The following RIC8B variants were observed in gnomAD, a reference collection of about 807,000 sequenced individuals.
The protein encoded by RIC8B is RIC8 guanine nucleotide exchange factor B.
In RIC8B, 16 loss-of-function variants were observed where a neutral mutation model predicts 57.5. That is an observed-to-expected ratio of 0.28 (90% CI 0.19 to 0.42). The LOEUF is 0.42. RIC8B is among the 10% of genes least tolerant of loss of function. RIC8B has a pLI of 1.00. For missense variants in RIC8B, 481 were observed against 677.0 expected, an observed-to-expected ratio of 0.71 and a Z score of 3.21; for synonymous variants, 216 against 250.8, an observed-to-expected ratio of 0.86 and a Z score of 1.31.
At chr12:106,827,555 T>C (rs1248386536) in intron 4 of RIC8B, among the ~76,000 whole-genome samples, 1 of 152,212 alleles carries the variant, frequency 6.6e-6, no homozygotes, top group Non-Finnish European at 1.5e-5. Context: ...TTGTACTGAA[T>C]TTGCTGGTAG....
intron 2 of RIC8B, among the ~76,000 whole-genome samples, chr12:106,812,358 CT>C (rs1252746453): frequency 2.0e-5 from 3 of 151,888 alleles, no homozygotes; most frequent in Non-Finnish European, 4.4e-5. Flanking sequence ...ATAGCCCTGG[CT>C]ATTCCAATTT....
chr12:106,788,634 T>C (rs1364035079), intron 2 of RIC8B, among the ~76,000 whole-genome samples: 1 of 152,178 alleles, frequency 6.6e-6, no homozygotes, highest in African/African-American at 2.4e-5. Context: ...GCTGCCAAGG[T>C]CTAGGGCTTG....
chr12:106,777,891 C>T (rs926912733), intron 1 of RIC8B, among the ~76,000 whole-genome samples: 4 of 152,128 alleles, frequency 2.6e-5, no homozygotes, highest in Non-Finnish European at 4.4e-5. Context: ...GAGGTGTGGC[C>T]GGAGCACAGG....
At chr12:106,797,093 A>G (rs563229960) in intron 2 of RIC8B, among the ~76,000 whole-genome samples, 1 of 152,204 alleles carries the variant, frequency 6.6e-6, no homozygotes, top group African/African-American at 2.4e-5. Flanking sequence ...CACTTTGGAA[A>G]ACAGTCTGGT....
intron 9 of RIC8B, chr12:106,874,624 T>G: frequency 7.7e-7 from 1 of 1,292,920 alleles, no homozygotes; most frequent in Non-Finnish European, 1.1e-6. Flanking sequence ...TGTTATTCAC[T>G]ACCAAAATTG....
Position 106,782,364 on chromosome 12 carries a change from C to CT in RIC8B, c.85-1632dup, listed in dbSNP as rs536445273. Among the ~76,000 whole-genome samples, 765 of 152,242 alleles carry CT rather than the reference C, an allele frequency of 5.0e-3. 5 individuals carry two copies. The highest frequency in any genetic ancestry group is 0.017 in the African/African-American group (715 of 41,542). ...ATATGTGTTGTTGCCAAATCACTTT[C>CT]TCTTTTAAGGTTTATGTCAGTTTAT... On this transcript the variant is annotated intron_variant, in intron 1 of 9. Coordinates refer to ENST00000392837, the MANE Select transcript of RIC8B (RefSeq NM_001330145.2).
At chr12:106,781,716 T>C (rs1023378569) in intron 1 of RIC8B, among the ~76,000 whole-genome samples, 1 of 152,216 alleles carries the variant, frequency 6.6e-6, no homozygotes, top group African/African-American at 2.4e-5. Flanking sequence ...AATTTATTTT[T>C]CTTTCCCCTT....
intron 2 of RIC8B, among the ~76,000 whole-genome samples, chr12:106,798,571 C>T (rs2044590220): frequency 6.6e-6 from 1 of 152,052 alleles, no homozygotes; most frequent in African/African-American, 2.4e-5. Flanking sequence ...ATCACCCTGA[C>T]TGAATACTTT....
At chr12:106,859,067 A>G (rs1027695568) in intron 7 of RIC8B, among the ~76,000 whole-genome samples, 8 of 152,100 alleles carry the variant, frequency 5.3e-5, no homozygotes, top group African/African-American at 1.2e-4. Flanking sequence ...TCTGAATTAC[A>G]GATGTAGATT....
At chr12:106,834,983 C>CAAAAAAA (rs71072695) in intron 4 of RIC8B, among the ~76,000 whole-genome samples, 1 of 31,280 alleles carries the variant, frequency 3.2e-5, no homozygotes, top group Non-Finnish European at 6.4e-5. Flanking sequence ...GACTCTGTCT[C>CAAAAAAA]AAAAAAAAAA....
chr12:106,850,064 T>G lies in RIC8B; in HGVS notation c.1162-1386T>G, dbSNP rs192759330. Among the ~76,000 whole-genome samples the G allele has an allele frequency of 2.0e-5, 3 of 152,350 alleles. No individual in the cohort carries two copies. In the East Asian group the frequency reaches 5.8e-4, roughly 29 times the overall value. On this transcript the variant is annotated intron_variant, in intron 6 of 9. Transcript: ENST00000392837. ...CGCCGCCTACTGTCGTATCAGCTGGTGCATTAGATTCTCATAGGAGCACAA... is the reference window on the plus strand; with the variant it reads ...CGCCGCCTACTGTCGTATCAGCTGGGGCATTAGATTCTCATAGGAGCACAA...
chr12:106,843,774 T>G, intron 5 of RIC8B, 78 bp from the exon 6 acceptor site: 1 of 838,680 alleles, frequency 1.2e-6, no homozygotes, highest in Non-Finnish European at 1.8e-6. Flanking sequence ...ATTGATATCC[T>G]CAGTTACATG....
At chr12:106,861,008 A>C (rs2136521951) in intron 8 of RIC8B, among the ~76,000 whole-genome samples, 1 of 152,154 alleles carries the variant, frequency 6.6e-6, no homozygotes, top group Non-Finnish European at 1.5e-5. Context: ...GTCAGTGCTT[A>C]ACAAATTAAA....
At position 106,815,023 on chromosome 12, in the gene RIC8B, C is replaced by A. The variant is rs560756652; in HGVS notation, c.460C>A (p.Arg154=). 9 of 1,614,008 alleles carry A rather than the reference C, an allele frequency of 5.6e-6. No individual in the cohort carries two copies. In the African/African-American group the frequency reaches 1.2e-4, roughly 22 times the overall value. Residue 154 remains arginine (R), a synonymous_variant, in exon 3 of 10, where the codon CGG becomes AGG. Coordinates refer to ENST00000392837, the MANE Select transcript of RIC8B (RefSeq NM_001330145.2). ...TAACCTCCTGAGAAAGTGCAAGGACCGGAAATTTATCAATGACATTAAGTG... is the reference window on the plus strand; with the variant it reads ...TAACCTCCTGAGAAAGTGCAAGGACAGGAAATTTATCAATGACATTAAGTG... ...LCNLLRKCKD[R]KFINDIKCFD... is the part of the protein sequence containing the mutation.
At chr12:106,807,435 C>T (rs963844005) in intron 2 of RIC8B, among the ~76,000 whole-genome samples, 9 of 152,174 alleles carry the variant, frequency 5.9e-5, no homozygotes, top group Admixed American at 5.2e-4. Context: ...ACCTTCTGAG[C>T]ATTGTCTTAA....
intron 2 of RIC8B, among the ~76,000 whole-genome samples, chr12:106,811,956 A>T (rs1025220418): frequency 2.0e-5 from 3 of 152,214 alleles, no homozygotes; most frequent in Non-Finnish European, 4.4e-5. Context: ...TGCCTTTTCA[A>T]CCACTTTTAT....
intron 4 of RIC8B, among the ~76,000 whole-genome samples, chr12:106,836,204 A>G (rs1441622469): frequency 2.0e-5 from 3 of 151,912 alleles, no homozygotes; most frequent in Non-Finnish European, 2.9e-5. Flanking sequence ...TTCTTTGTCT[A>G]CTCCTCAGCC....
chr12:106,789,846 T>C (rs922511070), intron 2 of RIC8B, among the ~76,000 whole-genome samples: 1 of 151,956 alleles, frequency 6.6e-6, no homozygotes, highest in African/African-American at 2.4e-5. Flanking sequence ...ACTACATTGC[T>C]ATCTCTTTGA....
At chr12:106,820,581 C>T (rs2045794553) in intron 3 of RIC8B, among the ~76,000 whole-genome samples, 1 of 152,170 alleles carries the variant, frequency 6.6e-6, no homozygotes, top group Admixed American at 6.5e-5. Context: ...ATTCCCTTCT[C>T]CCGTGCTTCC....
Sources: gnomAD v4.1 joint callset for allele counts (sites outside exome capture counted in the v4.1 genomes callset) on GRCh38, gnomAD v4.1.1 for gene constraint, MANE v1.5 for transcripts, NCBI Gene and HGNC (gene_info 2026-07-23, HGNC 2026-07-21) for gene names.